SMC1B: variants seen among roughly 807,000 people sequenced by gnomAD.
SMC1B encodes the protein structural maintenance of chromosomes protein 1B.
In SMC1B, 60 loss-of-function variants were observed where a neutral mutation model predicts 157.9. That is an observed-to-expected ratio of 0.38 (90% CI 0.31 to 0.47). SMC1B has a LOEUF of 0.47. Ranked by LOEUF, SMC1B falls within the 20% of genes least tolerant of loss-of-function variation. The probability of loss-of-function intolerance (pLI) is 0.99; values close to 1 mark genes in which losing one functional copy is unlikely to be tolerated. For missense variants in SMC1B, 1,165 were observed against 1,426.2 expected, an observed-to-expected ratio of 0.82 and a Z score of 2.95; for synonymous variants, 445 against 483.0, an observed-to-expected ratio of 0.92 and a Z score of 1.03.
At position 45,366,760 on chromosome 22, in the gene SMC1B, C is replaced by T. The variant is rs576252681; in HGVS notation, c.2420+3194G>A. 3.9e-5 allele frequency among the ~76,000 whole-genome samples: 6 copies of T among 152,250 alleles called. 1 individual carries two copies. Among genetic ancestry groups the T allele is most frequent in the South Asian group, 4.1e-4 (2 of 4,820 alleles). ...AAGTGCTGGGATTACATGCATAAGC[C>T]GCTGCACTCAGCCACAGATAATTCT... On this transcript the variant is annotated intron_variant, in intron 15 of 24. Transcript: ENST00000357450.
At chr22:45,353,085 A>C (rs931489873) in intron 21 of SMC1B, among the ~76,000 whole-genome samples, 1 of 152,138 alleles carries the variant, frequency 6.6e-6, no homozygotes, top group Non-Finnish European at 1.5e-5. Flanking sequence ...AGTCTGGCCA[A>C]CATGGTGAAA....
intron 17 of SMC1B, among the ~76,000 whole-genome samples, chr22:45,361,089 T>A (rs181876691): frequency 6.6e-6 from 1 of 152,048 alleles, no homozygotes; most frequent in African/African-American, 2.4e-5. Context: ...TTCTGTGAGG[T>A]AGGCACTATT....
rs745392680 is a variant in SMC1B, at chr22:45,371,602, G to GA, written c.2197-16dup. 9 of 1,571,012 alleles carry GA rather than the reference G, an allele frequency of 5.7e-6. No individual in the cohort carries two copies. Among genetic ancestry groups the GA allele is most frequent in the East Asian group, 4.6e-5 (2 of 43,118 alleles). On this transcript the variant is annotated splice_polypyrimidine_tract_variant and intron_variant, in intron 13 of 24. Coordinates refer to ENST00000357450, the MANE Select transcript of SMC1B (RefSeq NM_148674.5). ...TGAGATTGTTCCTAATAACAAAAGA[G>GA]AAAAATTTTTTTAACATGGCTGTTT...
At chr22:45,360,639 T>TAA (rs1220927932) in intron 17 of SMC1B, among the ~76,000 whole-genome samples, 2 of 143,684 alleles carry the variant, frequency 1.4e-5, no homozygotes, top group African/African-American at 5.1e-5. Context: ...CCTCATTTCT[T>TAA]AAAAAAAAAA....
At position 45,382,323 on chromosome 22, in the gene SMC1B, T is replaced by C. The variant is rs12484011; in HGVS notation, c.2058+1144A>G. On this transcript the variant is annotated intron_variant, in intron 12 of 24. Transcript: ENST00000357450. ...GAATAAACTTTTGATACATACAACA[T>C]GAATCTCAAAAATACTAAGCTAAGT... Among the ~76,000 whole-genome samples, 376 of 152,270 alleles carry C rather than the reference T, an allele frequency of 2.5e-3. 7 individuals are homozygous for C. The highest frequency in any genetic ancestry group is 0.017 in the East Asian group (88 of 5,194).
At chr22:45,356,714 TA>T (rs1213120980) in intron 19 of SMC1B, among the ~76,000 whole-genome samples, 7 of 151,422 alleles carry the variant, frequency 4.6e-5, no homozygotes, top group African/African-American at 1.2e-4. Context: ...GGGAAATACT[TA>T]ATTTTTCTTT....
chr22:45,345,421 C>T (rs1373258427), intron 24 of SMC1B, 38 bp downstream of exon 24: 16 of 1,334,624 alleles, frequency 1.2e-5, no homozygotes, highest in Middle Eastern at 1.8e-4. Flanking sequence ...GGGAAGTTGG[C>T]ATTGGGTACA....
chr22:45,376,545 G>C (rs1331891900), intron 12 of SMC1B, among the ~76,000 whole-genome samples: 1 of 152,038 alleles, frequency 6.6e-6, no homozygotes, highest in Non-Finnish European at 1.5e-5. Context: ...TTGGGTATAT[G>C]CCCAACATAT....
chr22:45,371,660 G>A (rs2086833596), intron 13 of SMC1B, 73 bp from the exon 14 acceptor site: 7 of 1,481,154 alleles, frequency 4.7e-6, no homozygotes, highest in Non-Finnish European at 1.8e-6. Flanking sequence ...AAATGTGATA[G>A]GTATCTTTTG....
chr22:45,396,196 T>C (rs2087121654), intron 7 of SMC1B, 150 bp downstream of exon 7: 3 of 652,990 alleles, frequency 4.6e-6, no homozygotes, highest in Non-Finnish European at 7.2e-6. Context: ...ATGGCTATTA[T>C]ATTTGTATCT....
chr22:45,365,247 G>C (rs1187708520), intron 15 of SMC1B, among the ~76,000 whole-genome samples: 1 of 152,220 alleles, frequency 6.6e-6, no homozygotes, highest in East Asian at 1.9e-4. Flanking sequence ...CCTCTAGCCT[G>C]GGCCTCGCCT....
At chr22:45,348,126 C>A (rs2086570635) in intron 23 of SMC1B, among the ~76,000 whole-genome samples, 1 of 152,230 alleles carries the variant, frequency 6.6e-6, no homozygotes, top group Non-Finnish European at 1.5e-5. Context: ...TGAGTATCTA[C>A]CCACTGATCC....
At position 45,371,489 on chromosome 22, in the gene SMC1B, A is replaced by G. The variant is rs470062; in HGVS notation, c.2295T>C (p.Phe765=). The change falls in exon 14 of 25, where the codon TTT becomes TTC. Residue 765 remains phenylalanine, a synonymous_variant. Transcript: ENST00000357450. ...IKERQRRIKE[F]QEKIDKVEDD... ...TCATGACCTTATCTATCTTTTCTTGAAATTCTTTAATTCTTCGTTGTCGTT... is the reference window on the plus strand; with the variant it reads ...TCATGACCTTATCTATCTTTTCTTGGAATTCTTTAATTCTTCGTTGTCGTT... 0.14 allele frequency: 218,076 copies of G among 1,595,026 alleles called. 15,883 individuals carry two copies. Among genetic ancestry groups the G allele is most frequent in the South Asian group, 0.23 (19,623 of 86,554 alleles).
At chr22:45,393,036 T>A (rs2087080120) in intron 9 of SMC1B, among the ~76,000 whole-genome samples, 1 of 152,014 alleles carries the variant, frequency 6.6e-6, no homozygotes, top group South Asian at 2.1e-4. Flanking sequence ...GTTACCAGTC[T>A]CAAATGCTGA....
intron 4 of SMC1B, 150 bp from the exon 5 acceptor site, chr22:45,402,721 G>A (rs1311080256): frequency 1.5e-6 from 1 of 684,882 alleles, no homozygotes; most frequent in African/African-American, 1.8e-5. Flanking sequence ...ATTTGGCGAG[G>A]GTTTCTGAAT....
In SMC1B at chr22:45,399,103, C is replaced by T; in HGVS notation, c.1105G>A (p.Ala369Thr). 6.2e-7 allele frequency: 1 copy of T among 1,611,716 alleles called. No homozygotes were observed. The highest frequency in any genetic ancestry group is 1.3e-5 in the African/African-American group (1 of 74,856). Reference protein sequence around the residue: ...LHKKRDIELEASQLDRYKELK... With the variant: ...LHKKRDIELETSQLDRYKELK... ...AAGTTGTCCTTTTTTACCTGACTGG[C>T]TTCCAGTTCAATGTCTCGCTTTTTA... is the stretch of plus-strand genomic sequence containing the variant. Residue 369 changes from alanine (A) to threonine (T), a missense_variant, in exon 6 of 25, where the codon GCC becomes ACC. By Grantham distance (58) the Ala-to-Thr change is moderately conservative (BLOSUM62 0). Coordinates refer to ENST00000357450, the MANE Select transcript of SMC1B (RefSeq NM_148674.5).
At chr22:45,384,719 C>CAAA (rs541797611) in intron 11 of SMC1B, among the ~76,000 whole-genome samples, 1 of 119,600 alleles carries the variant, frequency 8.4e-6, no homozygotes, top group African/African-American at 3.1e-5. Flanking sequence ...GACTCCATTT[C>CAAA]AAAAAAAAAA....
At position 45,345,609 on chromosome 22, in the gene SMC1B, G is replaced by C. The variant is rs776159371; in HGVS notation, c.3496-40C>G. Reference sequence around the variant, plus strand: ...AACACACATTTCACTAGGAAGGAAAGGCCTTGTCTGGGCTCTGGAGACAGT... The same window carrying C: ...AACACACATTTCACTAGGAAGGAAACGCCTTGTCTGGGCTCTGGAGACAGT... On this transcript the variant is annotated intron_variant, in intron 23 of 24. Transcript: ENST00000357450. 10 of 1,244,538 alleles carry C rather than the reference G, an allele frequency of 8.0e-6. No homozygotes were observed. In the South Asian group the frequency reaches 1.2e-4, roughly 15 times the overall value. The allele number at this position is 1,244,538 out of a possible 1,614,324, so 77.1% of individuals were successfully genotyped here.
At chr22:45,380,483 C>G (rs555461519) in intron 12 of SMC1B, among the ~76,000 whole-genome samples, 2 of 152,122 alleles carry the variant, frequency 1.3e-5, no homozygotes, top group Non-Finnish European at 2.9e-5. Flanking sequence ...TCTACTAAGT[C>G]TCTATTTTCC....
Sources: gnomAD v4.1 joint callset for allele counts (sites outside exome capture counted in the v4.1 genomes callset) on GRCh38, gnomAD v4.1.1 for gene constraint, MANE v1.5 for transcripts, NCBI Gene and HGNC (gene_info 2026-07-23, HGNC 2026-07-21) for gene names.